Variants in CLPB observed in about 807,000 individuals in gnomAD.
CLPB encodes ClpB family mitochondrial disaggregase, also known as mitochondrial disaggregase.
CLPB carries 40 observed loss-of-function variants against 78.4 expected under a neutral mutation model. The observed-to-expected ratio is 0.51, with a 90% confidence interval of 0.40 to 0.66. The LOEUF (loss-of-function observed/expected upper bound fraction) is 0.66, where lower values mean the gene tolerates loss of function less well. Ranked by LOEUF, CLPB falls within the 30% of genes least tolerant of loss-of-function variation. The pLI is 0.00. For missense variants in CLPB, 780 were observed against 886.9 expected (o/e 0.88, Z 1.53); for synonymous variants, 333 against 348.0 (o/e 0.96, Z 0.48).
intron 2 of CLPB, 60 bp downstream of exon 2, chr11:72,430,252 A>C: frequency 6.6e-7 from 1 of 1,516,078 alleles, no homozygotes; most frequent in Non-Finnish European, 9.1e-7. Context: ...TCACACGAGA[A>C]GAGGCTCGCC....
intron 14 of CLPB, 29 bp downstream of exon 14, chr11:72,294,296 G>C (rs1191282888): frequency 1.9e-6 from 3 of 1,613,848 alleles, no homozygotes; most frequent in Non-Finnish European, 1.7e-6. Flanking sequence ...TGGCTATCCC[G>C]CCCCCACCCA....
intron 4 of CLPB, among the ~76,000 whole-genome samples, chr11:72,359,371 AAG>A (rs1950790598): frequency 6.6e-6 from 1 of 152,198 alleles, no homozygotes; most frequent in African/African-American, 2.4e-5. Flanking sequence ...AGAACGCCAG[AAG>A]AGAGTTTAGC....
In CLPB at chr11:72,372,798, G is replaced by T; in HGVS notation, c.646+7483C>A. On this transcript the variant is annotated intron_variant, in intron 4 of 15. Coordinates refer to ENST00000538039, the MANE Select transcript of CLPB (RefSeq NM_001258392.3). The stretch of plus-strand genomic sequence containing the variant: ...GCATGCATTCTCTCTGCTATGCTTG[G>T]GTTAGGCTGGGCACACAGTGGGTGC... 3.7e-6 allele frequency: 3 copies of T among 808,120 alleles called. No individual in the cohort carries two copies. In the East Asian group the frequency reaches 7.4e-5, roughly 20 times the overall value. 50.1% of individuals were successfully genotyped at this position (808,120 alleles called of 1,614,324 possible). A position where few individuals can be genotyped will look rare whatever the true frequency, so the allele number is the denominator to read the frequency against.
intron 8 of CLPB, among the ~76,000 whole-genome samples, chr11:72,307,997 G>T (rs1949774797): frequency 6.6e-6 from 1 of 152,114 alleles, no homozygotes; most frequent in Non-Finnish European, 1.5e-5. Context: ...GTGAAGGAAT[G>T]GGGGGGTTCT....
At chr11:72,314,283 G>A (rs1308045299) in intron 7 of CLPB, among the ~76,000 whole-genome samples, 2 of 152,238 alleles carry the variant, frequency 1.3e-5, no homozygotes, top group Non-Finnish European at 2.9e-5. Context: ...TTCCTGGTCA[G>A]AAGGAGCTCC....
intron 6 of CLPB, 25 bp downstream of exon 6, chr11:72,329,682 G>T (rs779584355): frequency 1.3e-6 from 2 of 1,524,810 alleles, no homozygotes; most frequent in Admixed American, 3.4e-5. Context: ...GTACCCACAG[G>T]CCTCCTCCCT....
chr11:72,380,263 A>G lies in CLPB; in HGVS notation c.646+18T>C. On this transcript the variant is annotated intron_variant, in intron 4 of 15. Coordinates refer to ENST00000538039, the MANE Select transcript of CLPB (RefSeq NM_001258392.3). ...ACAAGAGGAGAGCTCTCAGAGAAGC[A>G]GGACAGCCCACACTTACCTTCCAAA... 1 of 1,579,750 alleles carries G rather than the reference A, an allele frequency of 6.3e-7. No individual in the cohort carries two copies. Among genetic ancestry groups the G allele is most frequent in the Non-Finnish European group, 8.7e-7 (1 of 1,148,754 alleles).
At chr11:72,371,067 GT>G (rs556785622) in intron 4 of CLPB, among the ~76,000 whole-genome samples, 2 of 152,030 alleles carry the variant, frequency 1.3e-5, no homozygotes, top group African/African-American at 2.4e-5. Context: ...TATCTGAGTG[GT>G]TTTTTTGTTT....
At chr11:72,396,561 T>A (rs1288766884) in intron 3 of CLPB, among the ~76,000 whole-genome samples, 2 of 152,162 alleles carry the variant, frequency 1.3e-5, no homozygotes, top group Non-Finnish European at 2.9e-5. Context: ...AAGCTCCCAG[T>A]CTGTAACCTC....
chr11:72,377,868 A>G (rs4944458), intron 4 of CLPB, among the ~76,000 whole-genome samples: 109,730 of 152,138 alleles, frequency 0.72, 40,190 homozygotes, highest in East Asian at 0.82. Context: ...TATCCACATC[A>G]CTTCGTTTGT....
At chr11:72,337,047 C>A in intron 5 of CLPB, 1 of 398,860 alleles carries the variant, frequency 2.5e-6, no homozygotes, top group Non-Finnish European at 4.4e-6. Flanking sequence ...CTGCCACTTT[C>A]ATATCTTGGT....
At chr11:72,383,675 T>C (rs1854989185) in intron 3 of CLPB, among the ~76,000 whole-genome samples, 1 of 151,796 alleles carries the variant, frequency 6.6e-6, no homozygotes, top group African/African-American at 2.4e-5. Context: ...AATGGGATGA[T>C]AGATTCAAAA....
chr11:72,372,170 TAA>T (rs111510137), intron 4 of CLPB, among the ~76,000 whole-genome samples: 72 of 152,258 alleles, frequency 4.7e-4, no homozygotes, highest in African/African-American at 1.6e-3. Flanking sequence ...GGACTCTAAA[TAA>T]TATTTGGCTC....
At chr11:72,429,708 C>T (rs1856490386) in intron 2 of CLPB, among the ~76,000 whole-genome samples, 1 of 152,250 alleles carries the variant, frequency 6.6e-6, no homozygotes, top group African/African-American at 2.4e-5. Flanking sequence ...TGCCCTATAC[C>T]TGGCACTGGG....
intron 6 of CLPB, among the ~76,000 whole-genome samples, chr11:72,323,736 A>G (rs1330350070): frequency 6.6e-6 from 1 of 152,172 alleles, no homozygotes; most frequent in Non-Finnish European, 1.5e-5. Context: ...TGGATTTTGA[A>G]ACTGTCTTTT....
chr11:72,433,318 G>C (rs1292224288), intron 1 of CLPB, among the ~76,000 whole-genome samples: 1 of 152,150 alleles, frequency 6.6e-6, no homozygotes, highest in Non-Finnish European at 1.5e-5. Context: ...CCAGTACTTT[G>C]GGAGGCCAAG....
At chr11:72,296,795 C>T (rs1363989743) in intron 11 of CLPB, among the ~76,000 whole-genome samples, 1 of 152,192 alleles carries the variant, frequency 6.6e-6, no homozygotes, top group Non-Finnish European at 1.5e-5. Context: ...AGGTGTTTGA[C>T]ACCTGCTTGC....
Position 72,372,968 on chromosome 11 carries a change from T to G in CLPB, c.646+7313A>C, listed in dbSNP as rs1405132536. ...GCCATCTCCTGAACTCCAGGGCACT[T>G]GTCCACTGGTTTGTGATGTGCCGGC... On this transcript the variant is annotated intron_variant, in intron 4 of 15. Transcript: ENST00000538039. 20 of 1,613,978 alleles carry G rather than the reference T, an allele frequency of 1.2e-5. No homozygotes were observed. The highest frequency in any genetic ancestry group is 1.4e-5 in the Non-Finnish European group (17 of 1,180,000).
chr11:72,297,695 GT>G (rs1949579559), intron 11 of CLPB, among the ~76,000 whole-genome samples: 1 of 122,894 alleles, frequency 8.1e-6, no homozygotes, highest in Admixed American at 8.8e-5. Flanking sequence ...GTGTGTGTGT[GT>G]GTGTGTGACA....
Sources: allele counts gnomAD v4.1 joint callset (sites outside exome capture counted in the v4.1 genomes callset), GRCh38; gene constraint gnomAD v4.1.1; transcripts MANE v1.5; gene names NCBI Gene and HGNC (gene_info 2026-07-23, HGNC 2026-07-21).